IREB2: variants seen among roughly 807,000 people sequenced by gnomAD.
IREB2 encodes the protein iron-responsive element-binding protein 2.
Under a neutral mutation model 118.8 loss-of-function variants are expected in IREB2, and 39 were observed. The ratio of observed to expected loss-of-function variants is 0.33; its 90% CI spans 0.25 to 0.43. The LOEUF is 0.43. Among genes scored for constraint, IREB2 ranks in the 20% least tolerant of loss-of-function variants. The pLI is 1.00. For missense variants in IREB2, 900 were observed against 1,147.3 expected, an observed-to-expected ratio of 0.78 and a Z score of 3.11; for synonymous variants, 372 against 392.2, an observed-to-expected ratio of 0.95 and a Z score of 0.61.
intron 15 of IREB2, 135 bp from the exon 16 acceptor site, chr15:78,488,512 T>A: frequency 1.0e-6 from 1 of 978,986 alleles, no homozygotes. Context: ...TACAGGTAAT[T>A]AGTTCTTCCA....
At chr15:78,453,763 G>A (rs535002892) in intron 2 of IREB2, among the ~76,000 whole-genome samples, 1 of 152,272 alleles carries the variant, frequency 6.6e-6, no homozygotes, top group African/African-American at 2.4e-5. Context: ...TCCTCTAGAA[G>A]ATAAATAGAG....
intron 1 of IREB2, 60 bp downstream of exon 1, chr15:78,438,416 G>A: frequency 1.3e-6 from 2 of 1,558,146 alleles, no homozygotes; most frequent in South Asian, 1.2e-5. Flanking sequence ...CCTAGGCGCC[G>A]AATTCCTTGC....
chr15:78,480,044 T>G (rs946265420), intron 10 of IREB2: 7 of 152,220 alleles, frequency 4.6e-5, no homozygotes. Context: ...ACAACATGGT[T>G]TTACAGTTTT....
At chr15:78,491,463 C>G (rs939598525) in intron 18 of IREB2, among the ~76,000 whole-genome samples, 4 of 151,930 alleles carry the variant, frequency 2.6e-5, no homozygotes, top group Non-Finnish European at 4.4e-5. Flanking sequence ...AAATGACAAG[C>G]TTTTTCATTG....
At position 78,461,361 on chromosome 15, in the gene IREB2, T is replaced by TAAAG. The variant is rs533439389; in HGVS notation, c.107-1559_107-1556dup. On this transcript the variant is annotated intron_variant, in intron 2 of 21. Transcript: ENST00000258886. Reference sequence around the variant, plus strand: ...TGTCCTCTGGATATGGAGACACTAGTAAAGAGCCTTACCCTTCACCCCTTT... The same window carrying TAAAG: ...TGTCCTCTGGATATGGAGACACTAGTAAAGAAAGAGCCTTACCCTTCACCCCTTT... 3.5e-3 allele frequency among the ~76,000 whole-genome samples: 526 copies of TAAAG among 152,282 alleles called. 3 individuals carry two copies. Among genetic ancestry groups the TAAAG allele is most frequent in the African/African-American group, 0.012 (509 of 41,558 alleles).
At chr15:78,442,359 A>G (rs2050858322) in intron 2 of IREB2, among the ~76,000 whole-genome samples, 1 of 152,218 alleles carries the variant, frequency 6.6e-6, no homozygotes, top group African/African-American at 2.4e-5. Flanking sequence ...AAAAATCCTT[A>G]TTGCATTTTT....
intron 7 of IREB2, 29 bp downstream of exon 7, chr15:78,471,953 T>C: frequency 6.8e-7 from 1 of 1,463,236 alleles, no homozygotes; most frequent in Non-Finnish European, 9.2e-7. Flanking sequence ...ATATTTCATT[T>C]CTTTTGGGGT....
At chr15:78,474,570 G>T (rs899848726) in intron 8 of IREB2, 1 of 152,068 alleles carries the variant, frequency 6.6e-6, no homozygotes, top group African/African-American at 2.4e-5. Context: ...ATTACTGTGT[G>T]TTTTTTGACA....
At chr15:78,489,883 T>A (rs561087366) in intron 16 of IREB2, among the ~76,000 whole-genome samples, 2 of 152,004 alleles carry the variant, frequency 1.3e-5, no homozygotes, top group African/African-American at 4.8e-5. Flanking sequence ...AAAGCAGAGG[T>A]TTTTCTCCAT....
At chr15:78,455,529 G>A (rs1274032314) in intron 2 of IREB2, among the ~76,000 whole-genome samples, 1 of 150,850 alleles carries the variant, frequency 6.6e-6, no homozygotes, top group Non-Finnish European at 1.5e-5. Flanking sequence ...CAGAAGTTGG[G>A]AGACCATCCT....
At chr15:78,471,046 C>T (rs1031673863) in intron 6 of IREB2, 1 of 152,022 alleles carries the variant, frequency 6.6e-6, no homozygotes, top group Non-Finnish European at 1.5e-5. Flanking sequence ...AAGAGTCTTG[C>T]TATTGCCCAG....
At chr15:78,451,157 G>A (rs1268449912) in intron 2 of IREB2, among the ~76,000 whole-genome samples, 1 of 151,862 alleles carries the variant, frequency 6.6e-6, no homozygotes, top group Admixed American at 6.6e-5. Flanking sequence ...GTAGTGATGG[G>A]ATTTCACCAT....
In IREB2 at chr15:78,439,177, A is replaced by C. The variant is rs546863086; in HGVS notation, c.20-618A>C. ...GTAGTTCAGCTTCAGTTCGTGCAAA[A>C]CCAGAAGACTTGTCTCTTTCGGGTA... is the stretch of plus-strand genomic sequence containing the variant. On this transcript the variant is annotated intron_variant, in intron 1 of 21. Transcript: ENST00000258886. Among the ~76,000 whole-genome samples the C allele has an allele frequency of 2.1e-4, 32 of 152,286 alleles. 1 individual carries two copies. The highest frequency in any genetic ancestry group is 1.6e-3 in the Admixed American group (25 of 15,296).
intron 3 of IREB2, among the ~76,000 whole-genome samples, chr15:78,463,908 A>G (rs1324358439): frequency 2.0e-5 from 3 of 152,152 alleles, no homozygotes; most frequent in African/African-American, 7.2e-5. Flanking sequence ...CTTTTCTGTT[A>G]TAGTAAATGG....
rs758090216 is a variant in IREB2, at chr15:78,488,757, A to G, written c.2062A>G (p.Lys688Glu). 6 of 1,525,882 alleles carry G rather than the reference A, an allele frequency of 3.9e-6. No homozygotes were observed. In the Admixed American group the frequency reaches 1.1e-4, roughly 27 times the overall value. The allele number at this position is 1,525,882 out of a possible 1,614,324, so 94.5% of individuals were successfully genotyped here. The change falls in exon 16 of 22, where the codon AAA (lysine) becomes GAA (glutamate). Residue 688 changes from lysine to glutamate, a missense_variant. Physicochemically the swap from Lys to Glu is moderately conservative, Grantham distance 56. Coordinates refer to ENST00000258886, the MANE Select transcript of IREB2 (RefSeq NM_004136.4). ...TATACTATCCATGTTTAAAGCATTA[A>G]AAGATAAAATAGAAGTAAGAGTCTT... ...HVILSMFKAL[K>E]DKIEMGNKRW...
At chr15:78,494,549 T>A (rs573192883) in intron 20 of IREB2, among the ~76,000 whole-genome samples, 1 of 152,314 alleles carries the variant, frequency 6.6e-6, no homozygotes, top group East Asian at 1.9e-4. Context: ...ACTATTGTTT[T>A]ATAATTATTT....
intron 8 of IREB2, chr15:78,473,698 G>A (rs1388557289): frequency 4.5e-6 from 1 of 219,982 alleles, no homozygotes; most frequent in African/African-American, 2.3e-5. Context: ...ACTTACCAAA[G>A]GGTCGAAGGC....
In IREB2 at chr15:78,438,305, C is replaced by G; in HGVS notation, c.-33C>G. On this transcript the variant is annotated 5_prime_UTR_variant, in exon 1 of 22. Transcript: ENST00000258886. Reference sequence around the variant, plus strand: ...GCCTCCCCCTTCTTCCCCCGCTGGCCCCCTCCCCGGAGGGATAATATGGTC... The same window carrying G: ...GCCTCCCCCTTCTTCCCCCGCTGGCGCCCTCCCCGGAGGGATAATATGGTC... 6.4e-7 allele frequency: 1 copy of G among 1,572,196 alleles called. No individual in the cohort carries two copies. Among genetic ancestry groups the G allele is most frequent in the Non-Finnish European group, 8.6e-7 (1 of 1,157,082 alleles).
intron 2 of IREB2, among the ~76,000 whole-genome samples, chr15:78,461,523 C>G (rs573238637): frequency 6.6e-6 from 1 of 152,302 alleles, no homozygotes; most frequent in African/African-American, 2.4e-5. Context: ...ACTGCCTCTA[C>G]TTTTAACATA....
Sources: gnomAD v4.1 joint callset for allele counts (sites outside exome capture counted in the v4.1 genomes callset) on GRCh38, gnomAD v4.1.1 for gene constraint, MANE v1.5 for transcripts, NCBI Gene and HGNC (gene_info 2026-07-23, HGNC 2026-07-21) for gene names.